Variants in MIR2052HG observed in about 807,000 individuals in gnomAD.
MIR2052HG encodes the protein MIR2052 host gene.
Position 74,619,718 on chromosome 8 carries a change from C to G in MIR2052HG, n.216+6778C>G, listed in dbSNP as rs903634890. Among the ~76,000 whole-genome samples, 9 of 152,182 alleles carry G rather than the reference C, an allele frequency of 5.9e-5. No individual in the cohort carries two copies. The East Asian group carries it at 1.7e-3, about 29-fold the overall frequency. Reference sequence around the variant, plus strand: ...GCCCCTATGATTCAATTACCTCCACCTGGTCCCACCTTGACATGTGGGAAT... The same window carrying G: ...GCCCCTATGATTCAATTACCTCCACGTGGTCCCACCTTGACATGTGGGAAT... On this transcript the variant is annotated intron_variant and non_coding_transcript_variant, in intron 2 of 6. Transcript: ENST00000523442.
chr8:74,697,512 A>C (rs927617956), intron 2 of MIR2052HG, among the ~76,000 whole-genome samples: 7 of 152,174 alleles, frequency 4.6e-5, no homozygotes, highest in Non-Finnish European at 8.8e-5. Context: ...AGAGCATCCA[A>C]ATCAGCAAAG....
At chr8:74,653,662 T>C (rs1808775107) in intron 2 of MIR2052HG, among the ~76,000 whole-genome samples, 1 of 152,176 alleles carries the variant, frequency 6.6e-6, no homozygotes, top group South Asian at 2.1e-4. Flanking sequence ...GGACCACACC[T>C]GAAGGACAGA....
Position 74,689,126 on chromosome 8 carries a change from G to A in MIR2052HG, n.217-13253G>A, listed in dbSNP as rs568725772. Among the ~76,000 whole-genome samples the A allele has an allele frequency of 1.2e-4, 19 of 152,104 alleles. 1 individual carries two copies. The highest frequency in any genetic ancestry group is 6.5e-4 in the Admixed American group (10 of 15,280). ...CTGTGCTGTGCAGATACAACCATAC[G>A]TGGTTGTATTTTGTAGTCTGAAGAA... On this transcript the variant is annotated intron_variant and non_coding_transcript_variant, in intron 2 of 6. Coordinates refer to ENST00000523442, the Ensembl canonical transcript of MIR2052HG.
chr8:74,632,876 A>G (rs1315806898), intron 2 of MIR2052HG, among the ~76,000 whole-genome samples: 2 of 152,094 alleles, frequency 1.3e-5, no homozygotes, highest in Non-Finnish European at 2.9e-5. Flanking sequence ...TCTCTGTTTT[A>G]TGATATAGCC....
intron 2 of MIR2052HG, among the ~76,000 whole-genome samples, chr8:74,688,182 G>T (rs2128739660): frequency 6.6e-6 from 1 of 152,268 alleles, no homozygotes; most frequent in Middle Eastern, 3.4e-3. Context: ...TTTAACACTG[G>T]TAAATTAATA....
chr8:74,648,534 C>A (rs1160701803), intron 2 of MIR2052HG, among the ~76,000 whole-genome samples: 1 of 152,246 alleles, frequency 6.6e-6, no homozygotes, highest in Non-Finnish European at 1.5e-5. Context: ...TTCGTACACC[C>A]ACTCCCCAGC....
intron 2 of MIR2052HG, among the ~76,000 whole-genome samples, chr8:74,630,874 T>G (rs1189588583): frequency 6.6e-6 from 1 of 152,202 alleles, no homozygotes; most frequent in Non-Finnish European, 1.5e-5. Flanking sequence ...TCAGACTGAC[T>G]TGCTATCTTC....
chr8:74,717,341 C>CT (rs1320525216), intron 4 of MIR2052HG, among the ~76,000 whole-genome samples: 4 of 152,094 alleles, frequency 2.6e-5, no homozygotes, highest in Non-Finnish European at 4.4e-5. Flanking sequence ...TGAACTCATT[C>CT]TTTTTTATGG....
At chr8:74,733,088 T>A (rs1809710617) in intron 4 of MIR2052HG, among the ~76,000 whole-genome samples, 1 of 151,246 alleles carries the variant, frequency 6.6e-6, no homozygotes, top group Non-Finnish European at 1.5e-5. Flanking sequence ...ATTTATTTAT[T>A]TTATTATTAT....
chr8:74,755,172 C>T (rs1326718592), intron 5 of MIR2052HG, among the ~76,000 whole-genome samples: 2 of 152,158 alleles, frequency 1.3e-5, no homozygotes, highest in Non-Finnish European at 2.9e-5. Flanking sequence ...CGATTGTCTT[C>T]CAAAATGGAA....
intron 4 of MIR2052HG, among the ~76,000 whole-genome samples, chr8:74,745,569 G>GT (rs557122326): frequency 1.8e-4 from 27 of 150,782 alleles, no homozygotes; most frequent in Non-Finnish European, 2.5e-4. Context: ...ATCACTGTGG[G>GT]TTTTTTTTTC....
chr8:74,670,942 T>A (rs1358600127), intron 2 of MIR2052HG, among the ~76,000 whole-genome samples: 2 of 152,098 alleles, frequency 1.3e-5, no homozygotes. Flanking sequence ...TTTTTTTCTC[T>A]CATTTATTTT....
chr8:74,726,578 A>G (rs990725500), intron 4 of MIR2052HG, among the ~76,000 whole-genome samples: 66 of 152,222 alleles, frequency 4.3e-4, no homozygotes, highest in Admixed American at 4.0e-3. Flanking sequence ...ACACAAAGTA[A>G]ATCAGATTAA....
chr8:74,640,485 A>G (rs1256080263), intron 2 of MIR2052HG, among the ~76,000 whole-genome samples: 1 of 151,554 alleles, frequency 6.6e-6, no homozygotes, highest in Non-Finnish European at 1.5e-5. Flanking sequence ...AAAAAAAAAA[A>G]AAAAGAGTGG....
At chr8:74,657,000 T>C (rs1808813990) in intron 2 of MIR2052HG, among the ~76,000 whole-genome samples, 1 of 152,140 alleles carries the variant, frequency 6.6e-6, no homozygotes, top group Admixed American at 6.5e-5. Flanking sequence ...ACAGAATAAG[T>C]AGAGGAGGAG....
intron 2 of MIR2052HG, among the ~76,000 whole-genome samples, chr8:74,646,647 G>A (rs896912636): frequency 3.3e-5 from 5 of 152,158 alleles, no homozygotes; most frequent in African/African-American, 1.2e-4. Flanking sequence ...ATGAGCCCCA[G>A]GCAAAGTGGC....
rs192312730 is a variant in MIR2052HG, at chr8:74,736,562, T to C, written n.372-15879T>C. ...GGAGTACATTTCTCAGGGAAGGCCG[T>C]GGGAATTGTGAAATGTGTACTTGAG... On this transcript the variant is annotated intron_variant and non_coding_transcript_variant, in intron 4 of 6. Coordinates refer to ENST00000523442, the Ensembl canonical transcript of MIR2052HG. Among the ~76,000 whole-genome samples the C allele has an allele frequency of 4.1e-4, 62 of 152,262 alleles. 1 individual carries two copies. Among genetic ancestry groups the C allele is most frequent in the African/African-American group, 1.4e-3 (57 of 41,550 alleles).
At chr8:74,738,426 T>G (rs1301303017) in intron 4 of MIR2052HG, among the ~76,000 whole-genome samples, 1 of 152,178 alleles carries the variant, frequency 6.6e-6, no homozygotes, top group African/African-American at 2.4e-5. Flanking sequence ...TTCCTTTTTA[T>G]ACAAGGATTC....
intron 4 of MIR2052HG, among the ~76,000 whole-genome samples, chr8:74,724,398 G>C (rs1222185241): frequency 1.3e-5 from 2 of 152,090 alleles, no homozygotes; most frequent in Non-Finnish European, 2.9e-5. Context: ...TCCTGCTATG[G>C]TATTTCTGCT....
Sources: gnomAD v4.1 joint callset for allele counts (sites outside exome capture counted in the v4.1 genomes callset) on GRCh38, gnomAD v4.1.1 for gene constraint, MANE v1.5 for transcripts, NCBI Gene and HGNC (gene_info 2026-07-23, HGNC 2026-07-21) for gene names.